PTPRG: variants seen among roughly 807,000 people sequenced by gnomAD.
The protein encoded by PTPRG is receptor-type tyrosine-protein phosphatase gamma.
PTPRG carries 102 observed loss-of-function variants against 165.3 expected under a neutral mutation model. The ratio of observed to expected loss-of-function variants is 0.62; its 90% CI spans 0.53 to 0.73. PTPRG has a LOEUF of 0.73. Among genes scored for constraint, PTPRG ranks in the 30% least tolerant of loss-of-function variants. PTPRG has a pLI of 0.00. For missense variants in PTPRG, 1,866 were observed against 1,861.4 expected (o/e 1.00, Z -0.05); for synonymous variants, 675 against 669.5 (o/e 1.01, Z -0.13).
intron 2 of PTPRG, among the ~76,000 whole-genome samples, chr3:61,914,713 C>A (rs1385526721): frequency 6.6e-6 from 1 of 151,916 alleles, no homozygotes; most frequent in Non-Finnish European, 1.5e-5. Context: ...CAATATTGAC[C>A]CATATCGAGG....
Position 62,215,546 on chromosome 3 carries a change from A to ACCG in PTPRG, c.2156-3303_2156-3302insGCC, listed in dbSNP as rs1553652482. Among the ~76,000 whole-genome samples the ACCG allele has an allele frequency of 3.7e-3, 237 of 63,786 alleles. 11 individuals carry two copies. Among genetic ancestry groups the ACCG allele is most frequent in the African/African-American group, 0.015 (231 of 15,540 alleles). The allele number at this position is 63,786 out of a possible 152,430, so 41.8% of individuals were successfully genotyped here. ...AGATAGGCTCCAACCCCCTACGGGA[A>ACCG]CCCCCCCCCCCCGCCAATTATTACA... On this transcript the variant is annotated intron_variant, in intron 12 of 29. Coordinates refer to ENST00000474889, the MANE Select transcript of PTPRG (RefSeq NM_002841.4).
At chr3:62,134,110 C>G (rs80295024) in intron 6 of PTPRG, among the ~76,000 whole-genome samples, 7,938 of 152,198 alleles carry the variant, frequency 0.052, 392 homozygotes, top group African/African-American at 0.12. Flanking sequence ...TGGGGATTAG[C>G]ATTTCAACAT....
intron 2 of PTPRG, among the ~76,000 whole-genome samples, chr3:61,823,058 C>T (rs188468690): frequency 6.6e-6 from 1 of 152,284 alleles, no homozygotes; most frequent in Admixed American, 6.5e-5. Context: ...GTTCTTGGGG[C>T]ACTTAATTAC....
intron 1 of PTPRG, among the ~76,000 whole-genome samples, chr3:61,588,357 C>T (rs948610040): frequency 2.0e-5 from 3 of 151,982 alleles, no homozygotes; most frequent in African/African-American, 7.3e-5. Flanking sequence ...ATAAAACATT[C>T]CAGAAATACA....
At chr3:62,232,278 T>C (rs937504950) in intron 14 of PTPRG, among the ~76,000 whole-genome samples, 5 of 152,216 alleles carry the variant, frequency 3.3e-5, no homozygotes, top group African/African-American at 1.2e-4. Flanking sequence ...TATGATCTAT[T>C]TTCTTTTACA....
intron 2 of PTPRG, among the ~76,000 whole-genome samples, chr3:61,893,219 G>A (rs373810940): frequency 1.3e-5 from 2 of 152,228 alleles, no homozygotes; most frequent in Non-Finnish European, 2.9e-5. Flanking sequence ...TTTTGGGAAA[G>A]TCAGTGTGTC....
chr3:62,152,849 C>T (rs1482934127), intron 6 of PTPRG, among the ~76,000 whole-genome samples: 2 of 152,162 alleles, frequency 1.3e-5, no homozygotes, highest in Non-Finnish European at 2.9e-5. Flanking sequence ...ACTTCCCACC[C>T]CCAACACTTG....
intron 1 of PTPRG, among the ~76,000 whole-genome samples, chr3:61,648,453 G>A (rs1054081478): frequency 6.6e-6 from 1 of 152,202 alleles, no homozygotes; most frequent in Admixed American, 6.5e-5. Context: ...ATTTTCACCC[G>A]AGGGGAAATG....
At chr3:61,940,809 G>A (rs879504693) in intron 2 of PTPRG, among the ~76,000 whole-genome samples, 2 of 151,956 alleles carry the variant, frequency 1.3e-5, no homozygotes, top group African/African-American at 4.8e-5. Context: ...GACTACAGGC[G>A]CCTGCCACCA....
chr3:61,616,136 A>T (rs1489837227), intron 1 of PTPRG, among the ~76,000 whole-genome samples: 1 of 152,166 alleles, frequency 6.6e-6, no homozygotes, highest in Non-Finnish European at 1.5e-5. Flanking sequence ...TCTTTAGTAG[A>T]GATGGGGGTT....
At chr3:62,083,270 T>TTTC (rs56349385) in intron 5 of PTPRG, among the ~76,000 whole-genome samples, 2 of 151,458 alleles carry the variant, frequency 1.3e-5, no homozygotes, top group African/African-American at 2.4e-5. Flanking sequence ...TTTTTTTTTT[T>TTTC]CTTCCTTTTT....
chr3:61,879,643 C>T (rs1440849599), intron 2 of PTPRG, among the ~76,000 whole-genome samples: 1 of 152,104 alleles, frequency 6.6e-6, no homozygotes, highest in Non-Finnish European at 1.5e-5. Context: ...TAAATAATTT[C>T]TATATACAAG....
At chr3:61,695,303 G>A (rs142355370) in intron 1 of PTPRG, among the ~76,000 whole-genome samples, 4 of 152,272 alleles carry the variant, frequency 2.6e-5, no homozygotes, top group Middle Eastern at 3.4e-3. Flanking sequence ...GAGCCACCGC[G>A]CCTGGCGTGT....
At chr3:61,791,602 C>G (rs1026632058) in intron 2 of PTPRG, among the ~76,000 whole-genome samples, 1 of 152,188 alleles carries the variant, frequency 6.6e-6, no homozygotes, top group Non-Finnish European at 1.5e-5. Context: ...ATTCTCCTGC[C>G]TCAGCCTCCT....
intron 1 of PTPRG, among the ~76,000 whole-genome samples, chr3:61,572,384 G>T (rs542372152): frequency 6.6e-6 from 1 of 152,266 alleles, no homozygotes; most frequent in South Asian, 2.1e-4. Context: ...GGAGTGGTGG[G>T]GGCAGACGTC....
intron 1 of PTPRG, among the ~76,000 whole-genome samples, chr3:61,568,868 AC>A (rs969548605): frequency 6.6e-6 from 1 of 151,320 alleles, no homozygotes; most frequent in Non-Finnish European, 1.5e-5. Context: ...AGATTGCACC[AC>A]TGCACTGCAG....
chr3:61,987,065 A>G (rs1037665854), intron 2 of PTPRG, among the ~76,000 whole-genome samples: 1 of 152,226 alleles, frequency 6.6e-6, no homozygotes, highest in Non-Finnish European at 1.5e-5. Context: ...AGATTTATAC[A>G]GTGTGGAATG....
At chr3:61,711,068 A>G (rs1396984859) in intron 1 of PTPRG, among the ~76,000 whole-genome samples, 1 of 152,112 alleles carries the variant, frequency 6.6e-6, no homozygotes, top group African/African-American at 2.4e-5. Flanking sequence ...GATGGTTTCC[A>G]GCTTTATCCA....
Position 61,913,344 on chromosome 3 carries a change from C to T in PTPRG, c.191-76281C>T, listed in dbSNP as rs539611359. 5.1e-4 allele frequency among the ~76,000 whole-genome samples: 77 copies of T among 152,196 alleles called. No homozygotes were observed. In the Middle Eastern group the frequency reaches 0.01, roughly 20 times the overall value. On this transcript the variant is annotated intron_variant, in intron 2 of 29. Transcript: ENST00000474889. ...ATGCCATTCTCCTGCCTCAGCCTCC[C>T]GAGTAGCTGGGACTACAGGTGCCCG...
Sources: gnomAD v4.1 joint callset for allele counts (sites outside exome capture counted in the v4.1 genomes callset) on GRCh38, gnomAD v4.1.1 for gene constraint, MANE v1.5 for transcripts, NCBI Gene and HGNC (gene_info 2026-07-23, HGNC 2026-07-21) for gene names.